PTPRD: variants seen among roughly 807,000 people sequenced by gnomAD.
PTPRD encodes protein tyrosine phosphatase receptor type D.
In PTPRD, 34 loss-of-function variants were observed where a neutral mutation model predicts 214.5. The observed-to-expected ratio is 0.16, with a 90% CI of 0.12 to 0.21. PTPRD has a LOEUF of 0.21. Ranked by LOEUF, PTPRD falls within the 10% of genes least tolerant of loss-of-function variation. The pLI, the probability that PTPRD is intolerant of heterozygous loss-of-function variation, is 1.00. For missense variants in PTPRD, 2,545 were observed against 2,398.7 expected (o/e 1.06, Z -1.27); for synonymous variants, 1,128 against 845.7 (o/e 1.33, Z -5.79).
chr9:10,510,723 C>G (rs1470268766), intron 2 of PTPRD, among the ~76,000 whole-genome samples: 1 of 152,096 alleles, frequency 6.6e-6, no homozygotes, highest in Non-Finnish European at 1.5e-5. Flanking sequence ...CATTCCAAAT[C>G]TACTCTTCTA....
At chr9:8,678,603 C>T (rs2154370493) in intron 12 of PTPRD, among the ~76,000 whole-genome samples, 1 of 152,204 alleles carries the variant, frequency 6.6e-6, no homozygotes, top group African/African-American at 2.4e-5. Flanking sequence ...TATTTTGGCC[C>T]ATATTTGCTT....
intron 5 of PTPRD, among the ~76,000 whole-genome samples, chr9:9,769,304 T>G (rs2098732443): frequency 6.9e-6 from 1 of 145,914 alleles, no homozygotes; most frequent in Admixed American, 6.8e-5. Flanking sequence ...AAACTATGTT[T>G]TAACCAGAAG....
At chr9:9,332,087 T>C (rs1272810503) in intron 9 of PTPRD, among the ~76,000 whole-genome samples, 3 of 152,002 alleles carry the variant, frequency 2.0e-5, no homozygotes, top group Non-Finnish European at 2.9e-5. Context: ...GTGAGGAGGA[T>C]CACTAAAGAC....
chr9:9,479,693 G>T (rs761890595), intron 8 of PTPRD, among the ~76,000 whole-genome samples: 2 of 151,772 alleles, frequency 1.3e-5, no homozygotes, highest in African/African-American at 2.4e-5. Flanking sequence ...TTGTTTTATA[G>T]ATTGAAAACC....
chr9:8,525,011 T>A lies in PTPRD; in HGVS notation c.593A>T (p.Glu198Val). ...CTCATATTTTCCTTGGTCAGACTCT[T>A]CACTCTGCTCAATCTGAAGGGCTCC... is the stretch of plus-strand genomic sequence containing the variant. Reference protein sequence around the residue: ...IRGALQIEQSEESDQGKYECV... With the variant: ...IRGALQIEQSVESDQGKYECV... Residue 198 changes from glutamate to valine, a missense_variant, in exon 18 of 46, where the codon GAA becomes GTA. Coordinates refer to ENST00000381196, the MANE Select transcript of PTPRD (RefSeq NM_002839.4). The A allele has an allele frequency of 6.2e-7, 1 of 1,613,592 alleles. No individual in the cohort carries two copies. Among genetic ancestry groups the A allele is most frequent in the Non-Finnish European group, 8.5e-7 (1 of 1,179,622 alleles).
chr9:8,580,859 G>C (rs540151611), intron 14 of PTPRD, among the ~76,000 whole-genome samples: 5 of 152,296 alleles, frequency 3.3e-5, no homozygotes, highest in Admixed American at 1.3e-4. Flanking sequence ...CTGTTTTGCA[G>C]TGATCCTGTG....
intron 2 of PTPRD, among the ~76,000 whole-genome samples, chr9:10,540,131 C>T (rs572379083): frequency 6.6e-6 from 1 of 152,138 alleles, no homozygotes; most frequent in East Asian, 1.9e-4. Context: ...CCAGGTTCAA[C>T]CAATTCTCCT....
intron 9 of PTPRD, among the ~76,000 whole-genome samples, chr9:9,331,402 T>C (rs1054250173): frequency 1.3e-5 from 2 of 152,088 alleles, no homozygotes; most frequent in African/African-American, 2.4e-5. Context: ...GGTAGATCAC[T>C]GGCAGGACTA....
chr9:10,545,983 T>C (rs2060090070), intron 2 of PTPRD, among the ~76,000 whole-genome samples: 1 of 152,134 alleles, frequency 6.6e-6, no homozygotes, highest in Non-Finnish European at 1.5e-5. Flanking sequence ...CATTCGACTA[T>C]ATAAGAAGTA....
Position 10,462,385 on chromosome 9 carries a change from A to G in PTPRD, c.-599-121368T>C, listed in dbSNP as rs1042137771. On this transcript the variant is annotated intron_variant, in intron 2 of 45. Coordinates refer to ENST00000381196, the MANE Select transcript of PTPRD (RefSeq NM_002839.4). ...AGTGACTTTTAAGAAAGGTAATATG[A>G]TCTACACTTAAATGATGGTAAAAAT... is the stretch of plus-strand genomic sequence containing the variant. 6.6e-5 allele frequency among the ~76,000 whole-genome samples: 10 copies of G among 152,192 alleles called. 1 individual carries two copies. The highest frequency in any genetic ancestry group is 1.0e-4 in the Non-Finnish European group (7 of 68,040).
At position 8,642,818 on chromosome 9, in the gene PTPRD, G is replaced by C. The variant is rs561495856; in HGVS notation, c.65-5974C>G. Among the ~76,000 whole-genome samples the C allele has an allele frequency of 5.3e-5, 8 of 152,298 alleles. No individual in the cohort carries two copies. The East Asian group carries it at 1.5e-3, about 29-fold the overall frequency. On this transcript the variant is annotated intron_variant, in intron 12 of 45. Transcript: ENST00000381196. Reference sequence around the variant, plus strand: ...GGATGATAGGTTTTTGTTATAATTAGCTTCATTTTCACTGGGACAAGGGTA... The same window carrying C: ...GGATGATAGGTTTTTGTTATAATTACCTTCATTTTCACTGGGACAAGGGTA...
chr9:8,777,492 TTA>T (rs1291677068), intron 11 of PTPRD, among the ~76,000 whole-genome samples: 2 of 152,200 alleles, frequency 1.3e-5, no homozygotes, highest in African/African-American at 4.8e-5. Flanking sequence ...ATTTTGTGGA[TTA>T]TGTTTTCTGT....
intron 14 of PTPRD, among the ~76,000 whole-genome samples, chr9:8,537,971 A>C (rs2077363473): frequency 6.6e-6 from 1 of 152,004 alleles, no homozygotes. Context: ...TTTGTGATTC[A>C]TAATCAAATA....
At chr9:10,557,864 G>T (rs2062968717) in intron 2 of PTPRD, among the ~76,000 whole-genome samples, 1 of 152,108 alleles carries the variant, frequency 6.6e-6, no homozygotes, top group Non-Finnish European at 1.5e-5. Flanking sequence ...GTTCTAAGAA[G>T]CATGTAAATG....
chr9:8,859,428 C>T (rs1329043700), intron 11 of PTPRD, among the ~76,000 whole-genome samples: 1 of 152,180 alleles, frequency 6.6e-6, no homozygotes, highest in Admixed American at 6.5e-5. Context: ...AGCTGGAAGC[C>T]ACCATTGGCA....
chr9:9,792,363 AGAAG>A (rs2098974147), intron 5 of PTPRD, among the ~76,000 whole-genome samples: 1 of 152,182 alleles, frequency 6.6e-6, no homozygotes. Context: ...AAGGAAGGGT[AGAAG>A]GAAGCGAGAG....
chr9:10,151,031 G>C (rs573832616), intron 3 of PTPRD, among the ~76,000 whole-genome samples: 105 of 149,602 alleles, frequency 7.0e-4, no homozygotes, highest in African/African-American at 2.3e-3. Context: ...GGGTGTATGA[G>C]TGTATACTTT....
chr9:10,352,369 G>C (rs774493922), intron 2 of PTPRD, among the ~76,000 whole-genome samples: 2 of 151,874 alleles, frequency 1.3e-5, no homozygotes, highest in African/African-American at 2.4e-5. Flanking sequence ...TCTTATACTC[G>C]ATTGAATGTT....
chr9:10,027,036 A>G (rs921770042), intron 4 of PTPRD, among the ~76,000 whole-genome samples: 2 of 152,148 alleles, frequency 1.3e-5, no homozygotes, highest in African/African-American at 4.8e-5. Context: ...TTCTCTAGAG[A>G]CTTGGCCTTG....
Sources: gnomAD v4.1 joint callset for allele counts (sites outside exome capture counted in the v4.1 genomes callset) on GRCh38, gnomAD v4.1.1 for gene constraint, MANE v1.5 for transcripts, NCBI Gene and HGNC (gene_info 2026-07-23, HGNC 2026-07-21) for gene names.